PRKD3: variants seen among roughly 807,000 people sequenced by gnomAD.
PRKD3 encodes the protein protein kinase D3.
PRKD3 carries 47 observed loss-of-function variants against 99.2 expected under a neutral mutation model. The ratio of observed to expected loss-of-function variants is 0.47; its 90% CI spans 0.38 to 0.60. The LOEUF (loss-of-function observed/expected upper bound fraction) is 0.60. PRKD3 is among the 20% of genes least tolerant of loss of function. The pLI is 0.00. For synonymous variants in PRKD3, 392 were observed against 355.4 expected (o/e 1.10, Z -1.16); for missense variants, 1,019 against 1,088.4 (o/e 0.94, Z 0.90).
At chr2:37,298,411 A>AT (rs34916722) in intron 2 of PRKD3, among the ~76,000 whole-genome samples, 98,200 of 150,172 alleles carry the variant, frequency 0.65, 33,611 homozygotes, top group Non-Finnish European at 0.78. Context: ...TAACAAAGTT[A>AT]TTTTTTTTTT....
Position 37,316,802 on chromosome 2 carries a change from G to A in PRKD3, c.-278C>T. 8.0e-7 allele frequency: 1 copy of A among 1,252,072 alleles called. No individual in the cohort carries two copies. The highest frequency in any genetic ancestry group is 3.8e-5 in the East Asian group (1 of 26,004). 77.6% of individuals were successfully genotyped at this position (1,252,072 alleles called of 1,614,324 possible). A position where few individuals can be genotyped will look rare whatever the true frequency, so the allele number is the denominator to read the frequency against. The stretch of plus-strand genomic sequence containing the variant: ...TTTGTAAAGGATTTAACATCACTGA[G>A]CTATCCTCAGCAGGATAGAGTTGAC... On this transcript the variant is annotated 5_prime_UTR_variant, in exon 2 of 19. Coordinates refer to ENST00000234179, the MANE Select transcript of PRKD3 (RefSeq NM_005813.6).
chr2:37,289,199 G>A (rs962333214), intron 5 of PRKD3, among the ~76,000 whole-genome samples, 157 bp downstream of exon 5: 2 of 151,888 alleles, frequency 1.3e-5, no homozygotes, highest in East Asian at 1.9e-4. Context: ...CATTACTACC[G>A]GTAAGTCCTG....
At chr2:37,322,998 C>A (rs1671949799) in intron 1 of PRKD3, among the ~76,000 whole-genome samples, 1 of 152,014 alleles carries the variant, frequency 6.6e-6, no homozygotes, top group South Asian at 2.1e-4. Flanking sequence ...ACAAAATGTC[C>A]CTTAAGAAAA....
chr2:37,311,290 T>C (rs1389574590), intron 2 of PRKD3, among the ~76,000 whole-genome samples: 1 of 152,248 alleles, frequency 6.6e-6, no homozygotes, highest in Non-Finnish European at 1.5e-5. Flanking sequence ...CTCTCCTTCC[T>C]GAGTCATTTT....
intron 4 of PRKD3, 99 bp downstream of exon 4, chr2:37,290,769 C>T: frequency 2.3e-6 from 3 of 1,316,436 alleles, no homozygotes; most frequent in Non-Finnish European, 3.1e-6. Flanking sequence ...CTCGTTACCA[C>T]CCTAGTCAAC....
At chr2:37,279,628 A>T in intron 8 of PRKD3, 118 bp downstream of exon 8, 2 of 656,982 alleles carry the variant, frequency 3.0e-6, no homozygotes, top group Non-Finnish European at 4.5e-6. Flanking sequence ...ATTAGCCACA[A>T]TTTATTTAGA....
At chr2:37,269,501 TTAAA>T (rs1669075665) in intron 13 of PRKD3, 110 bp downstream of exon 13, 1 of 861,868 alleles carries the variant, frequency 1.2e-6, no homozygotes, top group African/African-American at 1.7e-5. Flanking sequence ...AAGTCAGCCT[TTAAA>T]AAAAAGGCAC....
chr2:37,311,052 C>G (rs796606136), intron 2 of PRKD3, among the ~76,000 whole-genome samples: 34 of 152,160 alleles, frequency 2.2e-4, no homozygotes, highest in African/African-American at 7.7e-4. Context: ...TCTGACCAAG[C>G]AAAAGAAAGC....
At chr2:37,263,374 C>T (rs1668610495) in intron 14 of PRKD3, among the ~76,000 whole-genome samples, 1 of 152,114 alleles carries the variant, frequency 6.6e-6, no homozygotes, top group African/African-American at 2.4e-5. Flanking sequence ...TATACGACTG[C>T]TTTTTTGAAT....
chr2:37,259,664 C>T lies in PRKD3; in HGVS notation c.2064G>A (p.Arg688=). 1 of 1,611,330 alleles carries T rather than the reference C, an allele frequency of 6.2e-7. No individual in the cohort carries two copies. The highest frequency in any genetic ancestry group is 2.2e-5 in the East Asian group (1 of 44,844). Residue 688 remains arginine (R), a synonymous_variant, in exon 16 of 19, where the codon AGG becomes AGA. Coordinates refer to ENST00000234179, the MANE Select transcript of PRKD3 (RefSeq NM_005813.6). ...GCACAATATTCTTAAAATGCAGATT[C>T]CTCAAAGCAACAAGTATCTGTTATG... is the stretch of plus-strand genomic sequence containing the variant. The part of the protein sequence containing the change: ...FMVTQILVAL[R]NLHFKNIVHC...
intron 2 of PRKD3, among the ~76,000 whole-genome samples, chr2:37,311,388 T>C (rs1671418822): frequency 6.6e-6 from 1 of 152,208 alleles, no homozygotes; most frequent in Non-Finnish European, 1.5e-5. Flanking sequence ...AGAGCATAAA[T>C]CACAGGGGCA....
At chr2:37,255,321 A>C (rs557239039) in intron 17 of PRKD3, among the ~76,000 whole-genome samples, 3 of 151,788 alleles carry the variant, frequency 2.0e-5, no homozygotes, top group East Asian at 3.9e-4. Flanking sequence ...AAAACAAAAA[A>C]GATCTACCTA....
intron 9 of PRKD3, 39 bp from the exon 10 acceptor site, chr2:37,275,883 T>C (rs1369986194): frequency 6.3e-7 from 1 of 1,586,500 alleles, no homozygotes; most frequent in African/African-American, 1.4e-5. Context: ...GGTTCAAAAA[T>C]GATTCCTCCA....
At chr2:37,273,241 A>C (rs1669393412) in intron 11 of PRKD3, among the ~76,000 whole-genome samples, 2 of 152,120 alleles carry the variant, frequency 1.3e-5, no homozygotes, top group Non-Finnish European at 2.9e-5. Flanking sequence ...TTTTCTGAGG[A>C]AACAGTCCTA....
intron 7 of PRKD3, chr2:37,282,290 G>C (rs907112489): frequency 1.1e-4 from 45 of 412,730 alleles, no homozygotes; most frequent in Non-Finnish European, 3.0e-5. Context: ...GTCTAAAAAT[G>C]AAAGAGGATA....
rs541304133 is a variant in PRKD3 at position 37,271,711 on chromosome 2, A to G, written c.1704+669T>C. On this transcript the variant is annotated intron_variant, in intron 12 of 18. Coordinates refer to ENST00000234179, the MANE Select transcript of PRKD3 (RefSeq NM_005813.6). Reference sequence around the variant, plus strand: ...GGATCTAGGTTGTGTGTTCCTTATGAGAATCTGATGATCTGACACGGTTCA... The same window carrying G: ...GGATCTAGGTTGTGTGTTCCTTATGGGAATCTGATGATCTGACACGGTTCA... Among the ~76,000 whole-genome samples the G allele has an allele frequency of 1.2e-4, 19 of 152,284 alleles. No individual in the cohort carries two copies. In the East Asian group the frequency reaches 3.3e-3, roughly 26 times the overall value.
chr2:37,285,282 A>G (rs1397383327), intron 6 of PRKD3, among the ~76,000 whole-genome samples: 1 of 152,238 alleles, frequency 6.6e-6, no homozygotes, highest in Non-Finnish European at 1.5e-5. Context: ...CAAAAAGATA[A>G]AATCATCTTT....
chr2:37,266,692 T>C (rs1668866326), intron 14 of PRKD3, among the ~76,000 whole-genome samples: 1 of 152,260 alleles, frequency 6.6e-6, no homozygotes, highest in Admixed American at 6.5e-5. Flanking sequence ...CTCACCATGT[T>C]AGTCAGGCTG....
chr2:37,291,761 AG>A (rs1670439544), intron 3 of PRKD3, among the ~76,000 whole-genome samples: 1 of 152,208 alleles, frequency 6.6e-6, no homozygotes, highest in Admixed American at 6.5e-5. Flanking sequence ...AAGGACAGAG[AG>A]GATCTCAAGA....
Sources: allele counts gnomAD v4.1 joint callset (sites outside exome capture counted in the v4.1 genomes callset), GRCh38; gene constraint gnomAD v4.1.1; transcripts MANE v1.5; gene names NCBI Gene and HGNC (gene_info 2026-07-23, HGNC 2026-07-21).